CAST: variants seen among roughly 807,000 people sequenced by gnomAD.
The protein encoded by CAST is calpastatin, also known as MIR583 host.
In CAST, 76 loss-of-function variants were observed where a neutral mutation model predicts 119.6. The observed-to-expected ratio is 0.64, with a 90% CI of 0.53 to 0.77. The LOEUF is 0.77. CAST is among the 30% of genes least tolerant of loss of function. The probability of loss-of-function intolerance (pLI) is 0.00; values close to 1 mark genes in which losing one functional copy is unlikely to be tolerated. For missense variants in CAST, 953 were observed against 946.5 expected, an observed-to-expected ratio of 1.01 and a Z score of -0.09; for synonymous variants, 319 against 331.6, an observed-to-expected ratio of 0.96 and a Z score of 0.41.
chr5:96,523,385 T>C (rs1745547551), upstream of CAST, among the ~76,000 whole-genome samples: 1 of 152,220 alleles, frequency 6.6e-6, no homozygotes, highest in South Asian at 2.1e-4. Flanking sequence ...TTCAGACTCT[T>C]CTCATATTGT....
the CAST span, among the ~76,000 whole-genome samples, chr5:96,454,597 C>T: frequency 6.6e-6 from 1 of 152,218 alleles, no homozygotes; most frequent in Non-Finnish European, 1.5e-5. Flanking sequence ...TGTCCTATAC[C>T]TGGCCCTGTG....
the CAST span, among the ~76,000 whole-genome samples, chr5:96,216,568 T>C: frequency 6.6e-6 from 1 of 152,230 alleles, no homozygotes; most frequent in African/African-American, 2.4e-5. Flanking sequence ...TTTTGTGTTA[T>C]ACATTGGTGA....
the CAST span, among the ~76,000 whole-genome samples, chr5:96,170,996 T>A: frequency 6.6e-6 from 1 of 151,708 alleles, no homozygotes; most frequent in African/African-American, 2.4e-5. Flanking sequence ...GTCAGATGGG[T>A]CCGTAGAAAA....
the CAST span, among the ~76,000 whole-genome samples, chr5:96,277,850 T>A: frequency 6.6e-6 from 1 of 152,056 alleles, no homozygotes; most frequent in Non-Finnish European, 1.5e-5. Context: ...AAAAATTGTA[T>A]GTTCATTTCA....
the CAST span, among the ~76,000 whole-genome samples, chr5:95,981,773 G>A: frequency 6.6e-6 from 1 of 152,184 alleles, no homozygotes; most frequent in Non-Finnish European, 1.5e-5. Flanking sequence ...TACTCAGGAG[G>A]CTGAGGTAGG....
the CAST span, among the ~76,000 whole-genome samples, chr5:96,047,332 A>AT: frequency 2.8e-4 from 43 of 152,122 alleles, no homozygotes; most frequent in Middle Eastern, 3.4e-3. Flanking sequence ...AAAAGTTTTT[A>AT]TTTTTTCGGG....
the CAST span, among the ~76,000 whole-genome samples, chr5:96,191,606 TA>T: frequency 1.3e-5 from 2 of 152,194 alleles, no homozygotes; most frequent in African/African-American, 4.8e-5. Context: ...GAGTATCAAA[TA>T]ATAGCTGAGA....
chr5:95,984,844 A>G, the CAST span, among the ~76,000 whole-genome samples: 3 of 152,328 alleles, frequency 2.0e-5, no homozygotes, highest in Non-Finnish European at 2.9e-5. Context: ...ACCTACTTTG[A>G]AAAAGAGATA....
the CAST span, chr5:96,110,900 A>T: frequency 6.6e-6 from 1 of 152,224 alleles, no homozygotes; most frequent in Non-Finnish European, 1.5e-5. Context: ...CTCTGCTCAC[A>T]ACATTTCTGA....
the CAST span, among the ~76,000 whole-genome samples, chr5:96,366,116 G>C: frequency 3.3e-5 from 5 of 152,146 alleles, no homozygotes; most frequent in Non-Finnish European, 5.9e-5. Flanking sequence ...TGAAATTCTG[G>C]GTTGAAAATT....
At chr5:96,142,077 G>C in the CAST span, among the ~76,000 whole-genome samples, 18 of 152,224 alleles carry the variant, frequency 1.2e-4, no homozygotes, top group African/African-American at 4.1e-4. Flanking sequence ...TCATTAATTT[G>C]GTCAATGTAG....
chr5:96,412,204 C>T, the CAST span: 1 of 961,166 alleles, frequency 1.0e-6, no homozygotes, highest in Non-Finnish European at 1.7e-6. Flanking sequence ...TTGTAAAGGA[C>T]TTTGTTAAGA....
At chr5:96,131,305 C>T in the CAST span, among the ~76,000 whole-genome samples, 1 of 151,458 alleles carries the variant, frequency 6.6e-6, no homozygotes, top group Non-Finnish European at 1.5e-5. Context: ...TTTTTAAAAC[C>T]CTTTCTATGT....
At chr5:96,693,213 C>T (rs1246485699) in intron 2 of CAST, among the ~76,000 whole-genome samples, 1 of 152,196 alleles carries the variant, frequency 6.6e-6, no homozygotes. Context: ...TGAGAGCAAG[C>T]CAGTCTTTAG....
the CAST span, among the ~76,000 whole-genome samples, chr5:96,271,815 A>G: frequency 2.0e-5 from 3 of 152,212 alleles, no homozygotes; most frequent in African/African-American, 7.2e-5. Context: ...AACAAAGTGA[A>G]CAGACACCTC....
At chr5:96,423,363 C>T in the CAST span, 18 of 1,613,530 alleles carry the variant, frequency 1.1e-5, no homozygotes, top group East Asian at 6.7e-5. Flanking sequence ...TCATCCAGTA[C>T]GGTGATAACA....
At chr5:96,651,801 T>C (rs1009428649) in intron 1 of CAST, among the ~76,000 whole-genome samples, 2 of 152,246 alleles carry the variant, frequency 1.3e-5, no homozygotes, top group South Asian at 2.1e-4. Context: ...TGATATATCA[T>C]GTTTGTAATT....
At chr5:96,168,196 C>T in the CAST span, among the ~76,000 whole-genome samples, 5 of 152,132 alleles carry the variant, frequency 3.3e-5, no homozygotes, top group Non-Finnish European at 5.9e-5. Flanking sequence ...GAAAAACTGC[C>T]ATGAGGGATA....
chr5:96,043,697 C>A, the CAST span, among the ~76,000 whole-genome samples: 2 of 152,114 alleles, frequency 1.3e-5, no homozygotes, highest in Admixed American at 1.3e-4. Context: ...TTTTCAGAAG[C>A]AACTTCCCCA....
Sources: allele counts gnomAD v4.1 joint callset (sites outside exome capture counted in the v4.1 genomes callset), GRCh38; gene constraint gnomAD v4.1.1; transcripts MANE v1.5; gene names NCBI Gene and HGNC (gene_info 2026-07-23, HGNC 2026-07-21).